The following GLIS3 variants were observed in gnomAD, a reference collection of about 807,000 sequenced individuals.
The protein encoded by GLIS3 is GLIS family zinc finger 3.
In GLIS3, 53 loss-of-function variants were observed where a neutral mutation model predicts 78.6. The ratio of observed to expected loss-of-function variants is 0.67; its 90% CI spans 0.54 to 0.85. GLIS3 has a LOEUF of 0.85. Among genes scored for constraint, GLIS3 ranks in the 40% least tolerant of loss-of-function variants. The pLI is 0.00. For synonymous variants in GLIS3, 684 were observed against 509.9 expected (o/e 1.34, Z -4.60); for missense variants, 1,703 against 1,231.1 (o/e 1.38, Z -5.74).
intron 4 of GLIS3, among the ~76,000 whole-genome samples, chr9:4,016,173 G>C (rs1017860118): frequency 3.3e-5 from 5 of 152,148 alleles, no homozygotes; most frequent in African/African-American, 1.2e-4. Context: ...AACTGAGTGA[G>C]TGAATGACTG....
chr9:4,215,771 G>C (rs145449031), intron 2 of GLIS3, among the ~76,000 whole-genome samples: 7 of 152,262 alleles, frequency 4.6e-5, no homozygotes, highest in African/African-American at 1.4e-4. Flanking sequence ...GTACTACAAA[G>C]TCATGTTCCA....
the GLIS3 span, among the ~76,000 whole-genome samples, chr9:4,426,753 G>C: frequency 6.6e-6 from 1 of 152,204 alleles, no homozygotes; most frequent in African/African-American, 2.4e-5. Context: ...CCTTGTGGAT[G>C]TTTAACTTTT....
At chr9:4,113,105 T>C (rs987656857) in intron 4 of GLIS3, among the ~76,000 whole-genome samples, 5 of 152,064 alleles carry the variant, frequency 3.3e-5, no homozygotes, top group Non-Finnish European at 7.4e-5. Flanking sequence ...ATATATACCC[T>C]TTTGCACATA....
chr9:4,134,353 G>A (rs1050758362), intron 2 of GLIS3, among the ~76,000 whole-genome samples: 2 of 152,142 alleles, frequency 1.3e-5, no homozygotes, highest in Non-Finnish European at 2.9e-5. Context: ...TATAAAATAT[G>A]AGTCTTACAC....
chr9:4,272,220 A>T (rs1225239024), intron 2 of GLIS3, among the ~76,000 whole-genome samples: 1 of 152,140 alleles, frequency 6.6e-6, no homozygotes, highest in Non-Finnish European at 1.5e-5. Context: ...ATAGACACAA[A>T]CACCTGCAAC....
chr9:4,473,460 C>CAAAAAAA, the GLIS3 span, among the ~76,000 whole-genome samples: 1 of 131,294 alleles, frequency 7.6e-6, no homozygotes, highest in African/African-American at 2.7e-5. Flanking sequence ...ACAACAACAA[C>CAAAAAAA]AAAAAAAAAG....
At chr9:4,313,329 T>TG (rs1817392928) in intron 2 of GLIS3, among the ~76,000 whole-genome samples, 1 of 152,194 alleles carries the variant, frequency 6.6e-6, no homozygotes, top group South Asian at 2.1e-4. Flanking sequence ...CAGCCATTGC[T>TG]GCTCCCTCTT....
intron 4 of GLIS3, among the ~76,000 whole-genome samples, chr9:3,951,624 C>T (rs1003868524): frequency 5.4e-5 from 8 of 147,228 alleles, no homozygotes; most frequent in Admixed American, 4.0e-4. Flanking sequence ...AAAAAGGGAC[C>T]GACCGGTCCT....
chr9:4,230,603 G>A (rs1203235423), intron 2 of GLIS3, among the ~76,000 whole-genome samples: 3 of 152,152 alleles, frequency 2.0e-5, no homozygotes, highest in Admixed American at 2.0e-4. Flanking sequence ...CTTACTCGAT[G>A]CATCTGTGAT....
At chr9:4,183,483 C>G (rs913960106) in intron 2 of GLIS3, among the ~76,000 whole-genome samples, 2 of 152,096 alleles carry the variant, frequency 1.3e-5, no homozygotes, top group African/African-American at 4.8e-5. Flanking sequence ...TTGCATAGTC[C>G]AGCACACTAT....
At chr9:4,027,131 T>A (rs1293494125) in intron 4 of GLIS3, among the ~76,000 whole-genome samples, 2 of 152,212 alleles carry the variant, frequency 1.3e-5, no homozygotes, top group Admixed American at 6.5e-5. Context: ...GACTGCAGTG[T>A]AATCAGTTCC....
intron 4 of GLIS3, among the ~76,000 whole-genome samples, chr9:3,962,197 G>A (rs1390069295): frequency 6.6e-6 from 1 of 151,974 alleles, no homozygotes; most frequent in Non-Finnish European, 1.5e-5. Flanking sequence ...TTCATCTTGG[G>A]GAACAGAGTG....
At chr9:4,161,814 G>T (rs1383725464) in intron 2 of GLIS3, among the ~76,000 whole-genome samples, 2 of 150,778 alleles carry the variant, frequency 1.3e-5, no homozygotes, top group South Asian at 2.1e-4. Flanking sequence ...CAAGTAGCTG[G>T]GATTACAGGT....
intron 2 of GLIS3, among the ~76,000 whole-genome samples, chr9:4,325,197 C>T (rs971855430): frequency 6.6e-6 from 1 of 152,214 alleles, no homozygotes; most frequent in Non-Finnish European, 1.5e-5. Context: ...GTTTTCCAAG[C>T]TGCAAATACA....
intron 4 of GLIS3, among the ~76,000 whole-genome samples, chr9:4,038,217 T>C (rs1824496031): frequency 6.6e-6 from 1 of 152,196 alleles, no homozygotes; most frequent in Admixed American, 6.5e-5. Context: ...CAGCCAGCCA[T>C]ATTCCAGTTT....
chr9:4,293,361 T>C (rs1182636056), intron 1 of GLIS3, among the ~76,000 whole-genome samples: 1 of 152,252 alleles, frequency 6.6e-6, no homozygotes, highest in Non-Finnish European at 1.5e-5. Context: ...TGCTTAAAAG[T>C]GACCGATGTA....
the GLIS3 span, among the ~76,000 whole-genome samples, chr9:4,470,146 C>A: frequency 2.6e-5 from 4 of 152,070 alleles, no homozygotes; most frequent in African/African-American, 7.2e-5. Flanking sequence ...CAGGACCAGA[C>A]GGATTCACAG....
At chr9:4,279,020 G>A (rs538258684) in intron 2 of GLIS3, among the ~76,000 whole-genome samples, 1 of 152,278 alleles carries the variant, frequency 6.6e-6, no homozygotes, top group South Asian at 2.1e-4. Context: ...ATATCAGCGT[G>A]GCTGGGCACG....
rs533855675 is a variant in GLIS3, at chr9:4,079,806, C to T, written c.1710+37962G>A. Among the ~76,000 whole-genome samples, 4 of 148,744 alleles carry T rather than the reference C, an allele frequency of 2.7e-5. No individual in the cohort carries two copies. In the South Asian group the frequency reaches 8.5e-4, roughly 32 times the overall value. ...AACAGGTTGCTGTAATCATTCAAAG[C>T]ACCCAACACCCAACATGTAAGAGAA... On this transcript the variant is annotated intron_variant, in intron 4 of 10. Coordinates refer to ENST00000381971, the MANE Select transcript of GLIS3 (RefSeq NM_001042413.2).
Sources: gnomAD v4.1 joint callset for allele counts (sites outside exome capture counted in the v4.1 genomes callset) on GRCh38, gnomAD v4.1.1 for gene constraint, MANE v1.5 for transcripts, NCBI Gene and HGNC (gene_info 2026-07-23, HGNC 2026-07-21) for gene names.